STX1B: variants seen among roughly 807,000 people sequenced by gnomAD.
STX1B encodes syntaxin-1B.
In STX1B, 7 loss-of-function variants were observed where a neutral mutation model predicts 39.4. The ratio of observed to expected loss-of-function variants is 0.18; its 90% CI spans 0.10 to 0.33. The LOEUF (loss-of-function observed/expected upper bound fraction) is 0.33, where lower values mean the gene tolerates loss of function less well. STX1B is among the 10% of genes least tolerant of loss of function. The pLI is 1.00. For missense variants in STX1B, 198 were observed against 383.2 expected (o/e 0.52, Z 4.04); for synonymous variants, 136 against 144.1 (o/e 0.94, Z 0.40).
intron 4 of STX1B, 110 bp from the exon 5 acceptor site, chr16:30,997,685 A>G (rs1006486548): frequency 9.5e-7 from 1 of 1,049,646 alleles, no homozygotes; most frequent in Non-Finnish European, 1.4e-6. Context: ...CCGGGGAGAA[A>G]CGTCATCCCC....
chr16:31,001,230 C>T lies in STX1B; in HGVS notation c.106-37G>A. ...AATCGGCTATACCCAGCCAAGCTGTCAGGCCAAACAACGGGTTCCAGGGGA... is the reference window on the plus strand; with the variant it reads ...AATCGGCTATACCCAGCCAAGCTGTTAGGCCAAACAACGGGTTCCAGGGGA... On this transcript the variant is annotated intron_variant, in intron 2 of 9. Transcript: ENST00000215095. This position sits in a 1 kb window ranked among gnomAD's most constrained non-coding sequence, Gnocchi z 5.5. 1 of 1,600,968 alleles carries T rather than the reference C, an allele frequency of 6.2e-7. No homozygotes were observed. The highest frequency in any genetic ancestry group is 2.2e-5 in the East Asian group (1 of 44,824).
rs1041316034 is a variant in STX1B, at chr16:30,994,608, G to A, written c.538-1124C>T. 2.3e-5 allele frequency among the ~76,000 whole-genome samples: 3 copies of A among 128,764 alleles called. No individual in the cohort carries two copies. The Admixed American group carries it at 2.4e-4, about 10-fold the overall frequency. 84.5% of individuals were successfully genotyped at this position (128,764 alleles called of 152,430 possible). ...ATGCTGAAAAAAAAAAAAAAAGAAA[G>A]CCAGTGGGGAAGAGACCGTGACCCA... On this transcript the variant is annotated intron_variant, in intron 7 of 9. Coordinates refer to ENST00000215095, the MANE Select transcript of STX1B (RefSeq NM_052874.5).
chr16:30,997,109 AG>A (rs776369184), intron 5 of STX1B, 50 bp from the exon 6 acceptor site: 1 of 1,322,254 alleles, frequency 7.6e-7, no homozygotes, highest in African/African-American at 1.4e-5. Context: ...GTCAGGGATC[AG>A]GGAGGGAGTC....
chr16:31,004,959 A>C (rs1353296273), intron 1 of STX1B, among the ~76,000 whole-genome samples: 1 of 152,170 alleles, frequency 6.6e-6, no homozygotes, highest in Non-Finnish European at 1.5e-5. Context: ...CCTGGTCCTA[A>C]AAAGCCCACT....
chr16:31,006,657 T>C (rs555764118), intron 1 of STX1B, among the ~76,000 whole-genome samples: 1 of 152,166 alleles, frequency 6.6e-6, no homozygotes, highest in African/African-American at 2.4e-5. Flanking sequence ...TAGCAGGGCT[T>C]TTCTGGGGAG....
intron 4 of STX1B, 162 bp downstream of exon 4, chr16:31,000,766 T>C: frequency 1.4e-6 from 1 of 710,892 alleles, no homozygotes; most frequent in South Asian, 1.8e-5. Context: ...GCCCAGCTAA[T>C]TTTTGTATTT....
chr16:30,999,941 T>C (rs1420828691), intron 4 of STX1B, among the ~76,000 whole-genome samples: 1 of 152,062 alleles, frequency 6.6e-6, no homozygotes, highest in Non-Finnish European at 1.5e-5. Context: ...ATCTGGCTCC[T>C]GGAACTTTGT....
intron 1 of STX1B, among the ~76,000 whole-genome samples, chr16:31,004,241 A>G (rs1020132378): frequency 6.6e-6 from 1 of 152,244 alleles, no homozygotes; most frequent in African/African-American, 2.4e-5. Flanking sequence ...ACTTATGCAA[A>G]TATTTAGATG....
At chr16:31,004,739 CT>C (rs1470534179) in intron 1 of STX1B, among the ~76,000 whole-genome samples, 1 of 152,054 alleles carries the variant, frequency 6.6e-6, no homozygotes, top group Non-Finnish European at 1.5e-5. Context: ...GGCTCTACCC[CT>C]GAGCCTAGTC....
intron 4 of STX1B, among the ~76,000 whole-genome samples, chr16:30,999,291 C>T (rs1422818768): frequency 3.9e-5 from 6 of 152,202 alleles, no homozygotes; most frequent in South Asian, 2.1e-4. Context: ...TATGGCCTCC[C>T]CTCCAGTCCA....
At chr16:31,004,577 G>A (rs2056646841) in intron 1 of STX1B, among the ~76,000 whole-genome samples, 1 of 151,978 alleles carries the variant, frequency 6.6e-6, no homozygotes, top group African/African-American at 2.4e-5. Context: ...GGGAGGGTGA[G>A]GTAGGAGGAT....
At chr16:31,003,996 C>T (rs1340540802) in intron 1 of STX1B, among the ~76,000 whole-genome samples, 1 of 152,204 alleles carries the variant, frequency 6.6e-6, no homozygotes, top group Non-Finnish European at 1.5e-5. Flanking sequence ...CATCCAGCCC[C>T]TCAAAGACCG....
rs1314892413 is a variant in STX1B, at chr16:30,992,783, T to A, written c.*38A>T. 4 of 941,846 alleles carry A rather than the reference T, an allele frequency of 4.2e-6. No individual in the cohort carries two copies. The highest frequency in any genetic ancestry group is 5.6e-6 in the Non-Finnish European group (4 of 720,204). 58.3% of individuals were successfully genotyped at this position (941,846 alleles called of 1,614,324 possible). A position where few individuals can be genotyped will look rare whatever the true frequency, so the allele number is the denominator to read the frequency against. ...GGTGGGGGTATTGCTCCCGATGTGGTGGGGGAAGGGTCTGGGAGAGAGAAG... is the reference window on the plus strand; with the variant it reads ...GGTGGGGGTATTGCTCCCGATGTGGAGGGGGAAGGGTCTGGGAGAGAGAAG... On this transcript the variant is annotated 3_prime_UTR_variant, in exon 10 of 10. Transcript: ENST00000215095.
chr16:30,994,912 T>C (rs1027499711), intron 7 of STX1B, among the ~76,000 whole-genome samples: 26 of 137,530 alleles, frequency 1.9e-4, no homozygotes, highest in African/African-American at 7.0e-4. Context: ...TTTTTTTTTT[T>C]GGTTTTTGTT....
chr16:30,995,646 A>G (rs1240082632), intron 7 of STX1B, among the ~76,000 whole-genome samples: 1 of 151,920 alleles, frequency 6.6e-6, no homozygotes, highest in Admixed American at 6.6e-5. Flanking sequence ...ACGTGCCACC[A>G]TGCCCGGCTA....
chr16:30,999,195 T>G (rs2056611082), intron 4 of STX1B, among the ~76,000 whole-genome samples: 1 of 152,158 alleles, frequency 6.6e-6, no homozygotes, highest in Non-Finnish European at 1.5e-5. Context: ...GCACTTAACA[T>G]GCTCCCAGAT....
Position 31,000,814 on chromosome 16 carries a change from G to A in STX1B, c.280+114C>T, listed in dbSNP as rs571926497. On this transcript the variant is annotated intron_variant, in intron 4 of 9. Transcript: ENST00000215095. ...GAGTTTTGCCATGTTGCCCAGGCTG[G>A]TGTTGAACTCCTGGGATTGAGCAAT... 2.1e-5 allele frequency: 21 copies of A among 1,017,946 alleles called. No homozygotes were observed. In the African/African-American group the frequency reaches 3.2e-4, roughly 15 times the overall value. 63.1% of individuals were successfully genotyped at this position (1,017,946 alleles called of 1,614,324 possible).
chr16:30,997,339 C>T (rs937261184), intron 5 of STX1B, among the ~76,000 whole-genome samples, 163 bp downstream of exon 5: 1 of 151,998 alleles, frequency 6.6e-6, no homozygotes, highest in African/African-American at 2.4e-5. Flanking sequence ...TCCCCGAGAG[C>T]CCCGCCCAGG....
At position 31,001,609 on chromosome 16, in the gene STX1B, G is replaced by T. The variant is rs767091129; in HGVS notation, c.31-6C>A. 1.9e-6 allele frequency: 3 copies of T among 1,612,208 alleles called. No homozygotes were observed. Among genetic ancestry groups the T allele is most frequent in the East Asian group, 2.2e-5 (1 of 44,866 alleles). ...TCATCATCACTGTCTTTCGCCTGGG[G>T]ACAAGGAAGGCTGAGTCCATGAGCA... On this transcript the variant is annotated splice_polypyrimidine_tract_variant and splice_region_variant and intron_variant, in intron 1 of 9. Transcript: ENST00000215095. The surrounding 1 kb of genome is among the most constrained non-coding windows in gnomAD (Gnocchi z 5.5).
Sources: gnomAD v4.1 joint callset for allele counts (sites outside exome capture counted in the v4.1 genomes callset) on GRCh38, gnomAD v4.1.1 for gene constraint, Gnocchi (gnomAD v3.1) non-coding constraint, MANE v1.5 for transcripts, NCBI Gene and HGNC (gene_info 2026-07-23, HGNC 2026-07-21) for gene names.